TMCC2: variants seen among roughly 807,000 people sequenced by gnomAD.
The protein encoded by TMCC2 is transmembrane and coiled-coil domains protein 2.
Under a neutral mutation model 49.4 loss-of-function variants are expected in TMCC2, and 16 were observed. The ratio of observed to expected loss-of-function variants is 0.32; its 90% CI spans 0.22 to 0.49. The LOEUF (loss-of-function observed/expected upper bound fraction) is 0.49. Among genes scored for constraint, TMCC2 ranks in the 20% least tolerant of loss-of-function variants. The probability of loss-of-function intolerance (pLI) is 0.99; values close to 1 mark genes in which losing one functional copy is unlikely to be tolerated. For missense variants in TMCC2, 762 were observed against 989.8 expected (o/e 0.77, Z 3.09); for synonymous variants, 397 against 434.1 (o/e 0.91, Z 1.06).
In TMCC2 at chr1:205,272,327, CCTGGAGAT is replaced by C. The variant is rs1457861532; in HGVS notation, c.*204_*211del. The C allele has an allele frequency of 9.2e-7, 1 of 1,091,384 alleles. No homozygotes were observed. The allele number at this position is 1,091,384 out of a possible 1,614,324, so 67.6% of individuals were successfully genotyped here. On this transcript the variant is annotated 3_prime_UTR_variant, in exon 5 of 5. Transcript: ENST00000358024. The stretch of plus-strand genomic sequence containing the variant: ...GAAGGGAGCTTAGAATGCAGCCCTA[CCTGGAGAT>C]AGTGCGGGCACCTGTGGCCAAGTGG...
At chr1:205,230,629 C>T (rs1014253721) in intron 1 of TMCC2, among the ~76,000 whole-genome samples, 4 of 152,184 alleles carry the variant, frequency 2.6e-5, no homozygotes, top group Admixed American at 2.6e-4. Context: ...AGACCCTCAG[C>T]TGAGTCTGTG....
Position 205,273,032 on chromosome 1 carries a change from TG to T in TMCC2, c.*911del, listed in dbSNP as rs1440029362. 1 of 152,110 alleles carries T rather than the reference TG, an allele frequency of 6.6e-6. No individual in the cohort carries two copies. Among genetic ancestry groups the T allele is most frequent in the Non-Finnish European group, 1.5e-5 (1 of 68,016 alleles). 9.4% of individuals were successfully genotyped at this position (152,110 alleles called of 1,614,324 possible). On this transcript the variant is annotated 3_prime_UTR_variant, in exon 5 of 5. Coordinates refer to ENST00000358024, the MANE Select transcript of TMCC2 (RefSeq NM_014858.4). ...TTTGGATCATCCTGGCTGGGAGAAG[TG>T]GGACCGAGCCACCCAGCCCCACTAT...
At chr1:205,267,540 G>A (rs908428436) in intron 2 of TMCC2, among the ~76,000 whole-genome samples, 13 of 152,096 alleles carry the variant, frequency 8.5e-5, no homozygotes, top group African/African-American at 2.7e-4. Flanking sequence ...TGCTTCCGTT[G>A]TTGTATGGCG....
chr1:205,264,767 C>T lies in TMCC2; in HGVS notation c.748-4183C>T, dbSNP rs907194756. On this transcript the variant is annotated intron_variant, in intron 2 of 4. Coordinates refer to ENST00000358024, the MANE Select transcript of TMCC2 (RefSeq NM_014858.4). This position sits in a 1 kb window ranked among gnomAD's most constrained non-coding sequence, Gnocchi z 4.2. ...TTGGCCTCCCAAAGTGCTGGGATTA[C>T]AGGTGTGAGCCACTGCGCCTGGCCC... is the stretch of plus-strand genomic sequence containing the variant. 1.1e-4 allele frequency among the ~76,000 whole-genome samples: 16 copies of T among 152,176 alleles called. No individual in the cohort carries two copies. The highest frequency in any genetic ancestry group is 3.6e-4 in the African/African-American group (15 of 41,448).
intron 1 of TMCC2, among the ~76,000 whole-genome samples, chr1:205,239,488 G>A (rs1660184605): frequency 6.6e-6 from 1 of 152,218 alleles, no homozygotes; most frequent in African/African-American, 2.4e-5. Flanking sequence ...GGGAAAAGCT[G>A]GCATTGTGTA....
chr1:205,245,796 C>A (rs1339502157), intron 2 of TMCC2, among the ~76,000 whole-genome samples: 1 of 151,080 alleles, frequency 6.6e-6, no homozygotes, highest in African/African-American at 2.5e-5. Context: ...TGAAGATATC[C>A]CAATTTTTTT....
At chr1:205,244,821 A>C (rs1458028797) in intron 2 of TMCC2, among the ~76,000 whole-genome samples, 2 of 151,992 alleles carry the variant, frequency 1.3e-5, no homozygotes, top group African/African-American at 4.8e-5. Flanking sequence ...AGGCTGATGA[A>C]TGTGGAGAAA....
Position 205,252,240 on chromosome 1 carries a change from A to T in TMCC2, c.747+10196A>T, listed in dbSNP as rs184946522. ...TAAACAGGAGTGTCTGTGGCATTAG[A>T]TGGGCAGAGGACCAGCAGGAGAGAT... On this transcript the variant is annotated intron_variant, in intron 2 of 4. Coordinates refer to ENST00000358024, the MANE Select transcript of TMCC2 (RefSeq NM_014858.4). 7.9e-5 allele frequency among the ~76,000 whole-genome samples: 12 copies of T among 152,290 alleles called. No individual in the cohort carries two copies. In the East Asian group the frequency reaches 2.3e-3, roughly 29 times the overall value.
chr1:205,242,404 TTGTG>T (rs1660308292), intron 2 of TMCC2, among the ~76,000 whole-genome samples: 1 of 152,202 alleles, frequency 6.6e-6, no homozygotes, highest in Non-Finnish European at 1.5e-5. Context: ...GTTAACCTCT[TTGTG>T]CTTGTTTCAC....
At position 205,269,211 on chromosome 1, in the gene TMCC2, GAGA is replaced by G. The variant is rs1661474513; in HGVS notation, c.1017_1019del (p.Lys339del). ...GGTGTCACGCATCAAGCAAGTGTTC[GAGA>G]AGAAGAACCAGAAGTCAGCCCAGAC... is the stretch of plus-strand genomic sequence containing the variant. On this transcript the variant is annotated inframe_deletion, in exon 3 of 5. Transcript: ENST00000358024. 1.2e-6 allele frequency: 2 copies of G among 1,614,078 alleles called. No homozygotes were observed. Among genetic ancestry groups the G allele is most frequent in the Non-Finnish European group, 1.7e-6 (2 of 1,180,042 alleles).
intron 1 of TMCC2, chr1:205,230,013 G>A: frequency 1.0e-6 from 1 of 985,506 alleles, no homozygotes; most frequent in Non-Finnish European, 1.2e-6. Context: ...TTTCTCCAGA[G>A]AAGGTGCAGG....
chr1:205,241,603 T>G lies in TMCC2; in HGVS notation c.306T>G (p.Ser102=). ...RRSREREHQT[S]QDSQQHQQQQ... ...CTCGGGAAAGGGAGCACCAGACGTCTCAGGATTCCCAGCAGCATCAGCAGC... is the reference window on the plus strand; with the variant it reads ...CTCGGGAAAGGGAGCACCAGACGTCGCAGGATTCCCAGCAGCATCAGCAGC... The change falls in exon 2 of 5, where the codon TCT becomes TCG. Residue 102 remains serine (S), a synonymous_variant. Coordinates refer to ENST00000358024, the MANE Select transcript of TMCC2 (RefSeq NM_014858.4). The surrounding 1 kb of genome is among the most constrained non-coding windows in gnomAD (Gnocchi z 7.3). 2.5e-6 allele frequency: 4 copies of G among 1,613,876 alleles called. No homozygotes were observed. Among genetic ancestry groups the G allele is most frequent in the Non-Finnish European group, 3.4e-6 (4 of 1,179,968 alleles).
intron 2 of TMCC2, chr1:205,246,724 T>G: frequency 6.5e-7 from 1 of 1,545,170 alleles, no homozygotes; most frequent in East Asian, 2.5e-5. Context: ...AAAATCAAAT[T>G]AGAAAAATCC....
chr1:205,229,494 A>C, intron 1 of TMCC2: 2 of 362,492 alleles, frequency 5.5e-6, no homozygotes, highest in Non-Finnish European at 7.0e-6. Flanking sequence ...CCCCATTGGG[A>C]TCTTTGAGCG....
intron 2 of TMCC2, among the ~76,000 whole-genome samples, chr1:205,250,604 A>G (rs1007507572): frequency 2.0e-5 from 3 of 152,246 alleles, no homozygotes; most frequent in African/African-American, 7.2e-5. Flanking sequence ...CTGGGAGTAC[A>G]GAAATCACCA....
At chr1:205,238,473 G>A (rs982074292) in intron 1 of TMCC2, among the ~76,000 whole-genome samples, 1 of 151,994 alleles carries the variant, frequency 6.6e-6, no homozygotes, top group Non-Finnish European at 1.5e-5. Context: ...TAGATTCCTC[G>A]GTCTGCTGGG....
At position 205,241,580 on chromosome 1, in the gene TMCC2, C is replaced by A. The variant is rs770874236; in HGVS notation, c.283C>A (p.Arg95=). The part of the protein sequence containing the change: ...KHLFHSRRRS[R]EREHQTSQDS... The stretch of plus-strand genomic sequence containing the variant: ...CCTGTTCCACAGCCGCCGTCGGTCT[C>A]GGGAAAGGGAGCACCAGACGTCTCA... The change falls in exon 2 of 5, where the codon CGG becomes AGG. Residue 95 remains arginine (R), a synonymous_variant. Coordinates refer to ENST00000358024, the MANE Select transcript of TMCC2 (RefSeq NM_014858.4). The surrounding 1 kb of genome is among the most constrained non-coding windows in gnomAD (Gnocchi z 7.3). 18 of 1,613,948 alleles carry A rather than the reference C, an allele frequency of 1.1e-5. No homozygotes were observed. Among genetic ancestry groups the A allele is most frequent in the Non-Finnish European group, 1.4e-5 (17 of 1,180,020 alleles).
intron 2 of TMCC2, among the ~76,000 whole-genome samples, chr1:205,245,602 T>C (rs775700159): frequency 6.6e-6 from 1 of 152,232 alleles, no homozygotes; most frequent in African/African-American, 2.4e-5. Flanking sequence ...CAAGTTCTTG[T>C]GCATGTTTAC....
At chr1:205,233,995 G>C (rs1234676751) in intron 1 of TMCC2, 3 of 152,112 alleles carry the variant, frequency 2.0e-5, no homozygotes, top group African/African-American at 7.2e-5. Flanking sequence ...GGCTCTCCAG[G>C]AGTGTTGTGA....
Sources: gnomAD v4.1 joint callset for allele counts (sites outside exome capture counted in the v4.1 genomes callset) on GRCh38, gnomAD v4.1.1 for gene constraint, Gnocchi (gnomAD v3.1) non-coding constraint, MANE v1.5 for transcripts, NCBI Gene and HGNC (gene_info 2026-07-23, HGNC 2026-07-21) for gene names.